The following SBF2 variants were observed in gnomAD, a reference collection of about 807,000 sequenced individuals.
SBF2 encodes SET binding factor 2.
Under a neutral mutation model 225.2 loss-of-function variants are expected in SBF2, and 112 were observed. The ratio of observed to expected loss-of-function variants is 0.50; its 90% confidence interval spans 0.43 to 0.58. The LOEUF is 0.58. Ranked by LOEUF, SBF2 falls within the 20% of genes least tolerant of loss-of-function variation. The pLI, the probability that SBF2 is intolerant of heterozygous loss-of-function variation, is 0.00. For synonymous variants in SBF2, 763 were observed against 773.3 expected (o/e 0.99, Z 0.22); for missense variants, 1,996 against 2,206.2 (o/e 0.90, Z 1.91).
chr11:10,234,247 T>C (rs914435749), intron 1 of SBF2, among the ~76,000 whole-genome samples: 14 of 152,168 alleles, frequency 9.2e-5, no homozygotes, highest in African/African-American at 3.4e-4. Flanking sequence ...TTACCCCTCA[T>C]TTTGATCTTG....
intron 33 of SBF2, among the ~76,000 whole-genome samples, chr11:9,791,818 C>G (rs1852759605): frequency 1.3e-5 from 2 of 152,210 alleles, no homozygotes; most frequent in African/African-American, 4.8e-5. Context: ...GAAATAGGCT[C>G]TAGGCACCTT....
At chr11:10,273,707 T>C (rs1962726419) in intron 1 of SBF2, among the ~76,000 whole-genome samples, 1 of 152,218 alleles carries the variant, frequency 6.6e-6, no homozygotes, top group Non-Finnish European at 1.5e-5. Context: ...AGTGCTGTAG[T>C]TTAAGGCCTT....
chr11:10,279,860 AG>A (rs1963278074), intron 1 of SBF2, among the ~76,000 whole-genome samples: 1 of 151,916 alleles, frequency 6.6e-6, no homozygotes, highest in Admixed American at 6.6e-5. Flanking sequence ...CATGTTTGTC[AG>A]GCTGGTCTCG....
intron 2 of SBF2, among the ~76,000 whole-genome samples, chr11:10,141,149 C>A (rs1954621867): frequency 6.6e-6 from 1 of 152,048 alleles, no homozygotes. Context: ...TGAATAAAAG[C>A]ATAGAACCCA....
rs999685035 is a variant in SBF2, at chr11:10,227,156, G to A, written c.56-33169C>T. On this transcript the variant is annotated intron_variant, in intron 1 of 39. Transcript: ENST00000256190. ...AAGTGTCTGTTCATATCCTTTGCCC[G>A]CTTTTTGATGGGGTTGTTTTTTTCT... Among the ~76,000 whole-genome samples, 268 of 151,922 alleles carry A rather than the reference G, an allele frequency of 1.8e-3. 1 individual carries two copies. The highest frequency in any genetic ancestry group is 8.7e-3 in the East Asian group (45 of 5,160).
At chr11:10,128,345 A>G (rs1159503926) in intron 2 of SBF2, among the ~76,000 whole-genome samples, 1 of 152,230 alleles carries the variant, frequency 6.6e-6, no homozygotes, top group Non-Finnish European at 1.5e-5. Context: ...TGGCATTCAA[A>G]TAACTACTGA....
At chr11:9,799,240 T>A (rs938933515) in intron 32 of SBF2, among the ~76,000 whole-genome samples, 3 of 152,200 alleles carry the variant, frequency 2.0e-5, no homozygotes, top group Admixed American at 6.5e-5. Context: ...AATGCTTTCG[T>A]AGCCCAGTAT....
At chr11:10,257,883 G>A (rs1961008327) in intron 1 of SBF2, among the ~76,000 whole-genome samples, 1 of 151,812 alleles carries the variant, frequency 6.6e-6, no homozygotes, top group Non-Finnish European at 1.5e-5. Flanking sequence ...CTTGAGCCCA[G>A]GAGGCAGAGG....
chr11:10,076,134 G>A (rs927811002), intron 2 of SBF2, among the ~76,000 whole-genome samples: 4 of 152,316 alleles, frequency 2.6e-5, no homozygotes, highest in East Asian at 1.9e-4. Flanking sequence ...AGTGTATGAC[G>A]GGGGAGAGAG....
chr11:9,876,053 G>C (rs1164370311), intron 17 of SBF2, among the ~76,000 whole-genome samples: 1 of 151,970 alleles, frequency 6.6e-6, no homozygotes, highest in Non-Finnish European at 1.5e-5. Flanking sequence ...CAGTGCTGAA[G>C]CCAGCATCAG....
chr11:9,953,196 A>G (rs6483846), intron 16 of SBF2, among the ~76,000 whole-genome samples: 78,067 of 152,046 alleles, frequency 0.51, 20,548 homozygotes, highest in Admixed American at 0.61. Context: ...CTGTAATCCC[A>G]GCACTTTGGG....
intron 17 of SBF2, among the ~76,000 whole-genome samples, chr11:9,863,417 A>G (rs1673132832): frequency 6.6e-6 from 1 of 152,204 alleles, no homozygotes; most frequent in Non-Finnish European, 1.5e-5. Context: ...TTCCATAAAC[A>G]TGTAATGGTC....
chr11:10,249,380 G>GTTC (rs2135482485), intron 1 of SBF2, among the ~76,000 whole-genome samples: 1 of 152,064 alleles, frequency 6.6e-6, no homozygotes, highest in South Asian at 2.1e-4. Context: ...AGTGAAATAT[G>GTTC]GCTTTCTCGA....
intron 2 of SBF2, among the ~76,000 whole-genome samples, chr11:10,069,211 C>T (rs1288213676): frequency 2.6e-5 from 4 of 151,994 alleles, no homozygotes; most frequent in East Asian, 1.9e-4. Context: ...ATGTGCACAA[C>T]GTGCAGGTTT....
upstream of SBF2, among the ~76,000 whole-genome samples, chr11:10,298,896 C>T (rs571773403): frequency 1.8e-4 from 28 of 152,244 alleles, no homozygotes; most frequent in Non-Finnish European, 3.7e-4. Flanking sequence ...CCAGCTTCAC[C>T]GATGGTTTCA....
At chr11:9,784,528 C>A (rs1852243090) in intron 37 of SBF2, 90 bp from the exon 38 acceptor site, 13 of 993,454 alleles carry the variant, frequency 1.3e-5, no homozygotes, top group Non-Finnish European at 2.1e-5. Context: ...TTTGTCAAGT[C>A]TCTATTTCCC....
chr11:9,846,833 C>T (rs1413352924), intron 23 of SBF2, 123 bp downstream of exon 23: 1 of 1,098,574 alleles, frequency 9.1e-7, no homozygotes, highest in Non-Finnish European at 1.4e-6. Flanking sequence ...CCTCTCAGAC[C>T]CTATGATCTT....
Position 9,816,860 on chromosome 11 carries a change from C to CA in SBF2, c.3957dup (p.Gly1320TrpfsTer2). On this transcript the variant is annotated frameshift_variant, in exon 29 of 40. Transcript: ENST00000256190. LOFTEE classifies it high-confidence loss of function. ...CTTACCCTTAGTTGCGACTTTTCAC[C>CA]AAATATGTAAAGGGCTGCTTGCCGT... 6.2e-7 allele frequency: 1 copy of CA among 1,614,018 alleles called. No individual in the cohort carries two copies. The highest frequency in any genetic ancestry group is 2.2e-5 in the East Asian group (1 of 44,880).
At chr11:9,916,201 G>T (rs1339258355) in intron 16 of SBF2, among the ~76,000 whole-genome samples, 1 of 151,764 alleles carries the variant, frequency 6.6e-6, no homozygotes, top group South Asian at 2.1e-4. Flanking sequence ...AAATAACTAG[G>T]GATAATTTTC....
Sources: gnomAD v4.1 joint callset for allele counts (sites outside exome capture counted in the v4.1 genomes callset) on GRCh38, gnomAD v4.1.1 for gene constraint, MANE v1.5 for transcripts, NCBI Gene and HGNC (gene_info 2026-07-23, HGNC 2026-07-21) for gene names.